JDP2: variants seen among roughly 807,000 people sequenced by gnomAD.
The protein encoded by JDP2 is Jun dimerization protein 2.
JDP2 carries 9 observed loss-of-function variants against 17.1 expected under a neutral mutation model. That is an observed-to-expected ratio of 0.53 (90% CI 0.32 to 0.92). JDP2 has a LOEUF of 0.92. Ranked by LOEUF, JDP2 falls within the 40% of genes least tolerant of loss-of-function variation. The pLI, the probability that JDP2 is intolerant of heterozygous loss-of-function variation, is 0.04. For missense variants in JDP2, 179 were observed against 220.0 expected (o/e 0.81, Z 1.18); for synonymous variants, 107 against 95.6 (o/e 1.12, Z -0.69).
chr14:75,444,183 C>T (rs947219133), intron 2 of JDP2, among the ~76,000 whole-genome samples: 1 of 152,164 alleles, frequency 6.6e-6, no homozygotes, highest in African/African-American at 2.4e-5. Context: ...GGATTACAGG[C>T]GTGAGCCACC....
At chr14:75,460,287 G>C (rs1210016306) in intron 2 of JDP2, among the ~76,000 whole-genome samples, 1 of 134,992 alleles carries the variant, frequency 7.4e-6, no homozygotes, top group African/African-American at 3.4e-5. Context: ...TTGTTCCCCA[G>C]GGTCCTTCAG....
intron 2 of JDP2, among the ~76,000 whole-genome samples, chr14:75,440,769 G>T (rs528101753): frequency 1.3e-5 from 2 of 152,252 alleles, no homozygotes; most frequent in African/African-American, 4.8e-5. Context: ...CCCTAGGCAC[G>T]GTACTAGGTC....
At chr14:75,458,890 G>C (rs1411892503) in intron 2 of JDP2, among the ~76,000 whole-genome samples, 1 of 152,222 alleles carries the variant, frequency 6.6e-6, no homozygotes, top group Non-Finnish European at 1.5e-5. Context: ...ATTTGGACTA[G>C]AGGGTGATGC....
intron 2 of JDP2, among the ~76,000 whole-genome samples, chr14:75,456,096 T>A (rs995539266): frequency 1.3e-5 from 2 of 152,196 alleles, no homozygotes; most frequent in African/African-American, 4.8e-5. Context: ...TTCAGTGGCA[T>A]GTGGCAGAAA....
rs572758339 is a variant in JDP2, at chr14:75,444,502, C to T, written c.201+6381C>T. Among the ~76,000 whole-genome samples, 3 of 152,286 alleles carry T rather than the reference C, an allele frequency of 2.0e-5. No individual in the cohort carries two copies. In the South Asian group the frequency reaches 6.2e-4, roughly 32 times the overall value. The stretch of plus-strand genomic sequence containing the variant: ...AGAGTTCTGGGCTTGGGTGCAAGTT[C>T]TGGGTTCAAAGTCTGGCTCTCTCGC... On this transcript the variant is annotated intron_variant, in intron 2 of 3. Coordinates refer to ENST00000651602, the MANE Select transcript of JDP2 (RefSeq NM_001135048.2).
intron 2 of JDP2, among the ~76,000 whole-genome samples, chr14:75,459,208 G>A (rs1032224093): frequency 1.3e-4 from 20 of 152,308 alleles, no homozygotes; most frequent in African/African-American, 4.3e-4. Flanking sequence ...AGATTGCACC[G>A]CCAGCCACTT....
At position 75,437,996 on chromosome 14, in the gene JDP2, C is replaced by A; in HGVS notation, c.76C>A (p.Pro26Thr). 2 of 1,613,780 alleles carry A rather than the reference C, an allele frequency of 1.2e-6. No homozygotes were observed. The highest frequency in any genetic ancestry group is 2.2e-5 in the South Asian group (2 of 90,954). ...AGGGCTTGGCCCCCTGACCGGGCTCCCCAGCTCGGCCCTGACTGTGGAGGA... is the reference window on the plus strand; with the variant it reads ...AGGGCTTGGCCCCCTGACCGGGCTCACCAGCTCGGCCCTGACTGTGGAGGA... Reference protein sequence around the residue: ...LPGLGPLTGLPSSALTVEELK... With the variant: ...LPGLGPLTGLTSSALTVEELK... Residue 26 changes from proline to threonine, a missense_variant, in exon 2 of 4, where the codon CCC becomes ACC. By Grantham distance (38) the Pro-to-Thr change is conservative. Transcript: ENST00000651602.
At chr14:75,459,436 C>T (rs917235523) in intron 2 of JDP2, among the ~76,000 whole-genome samples, 1 of 152,174 alleles carries the variant, frequency 6.6e-6, no homozygotes, top group Non-Finnish European at 1.5e-5. Context: ...AGCTGACTCC[C>T]AGGTGGGGTG....
rs149846072 is a variant in JDP2, at chr14:75,438,115, A to G, written c.195A>G (p.Lys65=). The G allele has an allele frequency of 2.5e-6, 4 of 1,605,978 alleles. No homozygotes were observed. Among genetic ancestry groups the G allele is most frequent in the Non-Finnish European group, 3.4e-6 (4 of 1,174,516 alleles). The stretch of plus-strand genomic sequence containing the variant: ...TGGGCAAGAGGCCCCAGCCCGTGAA[A>G]AGTGAGGTGAGCGAGCCTTTTACCC... ...VKLGKRPQPV[K]SELDEEEERR... Residue 65 remains lysine, a synonymous_variant, in exon 2 of 4, where the codon AAA becomes AAG. Coordinates refer to ENST00000651602, the MANE Select transcript of JDP2 (RefSeq NM_001135048.2).
In JDP2 at chr14:75,443,529, G is replaced by A. The variant is rs1011940869; in HGVS notation, c.201+5408G>A. On this transcript the variant is annotated intron_variant, in intron 2 of 3. Transcript: ENST00000651602. ...AATCCGTAATTTCCACTTTAGTTCC[G>A]TTACTTTGTTAGCACATTTTCGAAA... Among the ~76,000 whole-genome samples the A allele has an allele frequency of 1.9e-4, 29 of 151,902 alleles. No individual in the cohort carries two copies. The South Asian group carries it at 3.5e-3, about 19-fold the overall frequency.
chr14:75,448,646 T>C (rs10135181), intron 2 of JDP2, among the ~76,000 whole-genome samples: 5,718 of 152,336 alleles, frequency 0.038, 365 homozygotes, highest in African/African-American at 0.13. Flanking sequence ...GTTATTTCCA[T>C]GTCTTGAGAT....
upstream of JDP2, chr14:75,427,395 G>C (rs1003010830): frequency 6.5e-6 from 1 of 152,672 alleles, no homozygotes; most frequent in Non-Finnish European, 1.5e-5. This position sits in a 1 kb window ranked among gnomAD's most constrained non-coding sequence, Gnocchi z 4.4. Flanking sequence ...AGGGGTAGGA[G>C]TCCCCAAATG....
chr14:75,471,809 A>G lies in JDP2; in HGVS notation c.*2334A>G. 5 of 156,328 alleles carry G rather than the reference A, an allele frequency of 3.2e-5. No individual in the cohort carries two copies. Among genetic ancestry groups the G allele is most frequent in the Non-Finnish European group, 7.2e-5 (5 of 69,798 alleles). The allele number at this position is 156,328 out of a possible 1,614,324, so 9.7% of individuals were successfully genotyped here. On this transcript the variant is annotated 3_prime_UTR_variant, in exon 4 of 4. Transcript: ENST00000651602. The stretch of plus-strand genomic sequence containing the variant: ...GCTGTCGGTCCGGACGATGCAGGTG[A>G]GGCAGTGTCAGTTCTGCATCAGGAA...
chr14:75,441,664 T>A (rs1566738304), intron 2 of JDP2, among the ~76,000 whole-genome samples: 1 of 152,262 alleles, frequency 6.6e-6, no homozygotes, highest in Non-Finnish European at 1.5e-5. Context: ...CCAGGGACCC[T>A]GGGAACGTCA....
At chr14:75,443,886 C>T (rs1420452598) in intron 2 of JDP2, among the ~76,000 whole-genome samples, 2 of 148,018 alleles carry the variant, frequency 1.4e-5, no homozygotes, top group South Asian at 4.3e-4. Flanking sequence ...AATAATAATA[C>T]CTACCTCTTA....
intron 2 of JDP2, among the ~76,000 whole-genome samples, chr14:75,441,670 C>T (rs1396878310): frequency 2.0e-5 from 3 of 152,242 alleles, no homozygotes; most frequent in Non-Finnish European, 2.9e-5. Flanking sequence ...ACCCTGGGAA[C>T]GTCATTTCCT....
At chr14:75,467,814 C>G (rs1384983298) in intron 3 of JDP2, among the ~76,000 whole-genome samples, 1 of 152,152 alleles carries the variant, frequency 6.6e-6, no homozygotes, top group African/African-American at 2.4e-5. Context: ...ACGTCCCAGC[C>G]TGTGGAACCA....
chr14:75,446,991 TTTTC>T (rs1285235136), intron 2 of JDP2, among the ~76,000 whole-genome samples: 2 of 152,220 alleles, frequency 1.3e-5, no homozygotes, highest in Non-Finnish European at 2.9e-5. Context: ...AAGAAGCCTT[TTTTC>T]CTTTTTATTG....
chr14:75,461,495 A>G lies in JDP2; in HGVS notation c.271A>G (p.Asn91Asp). The change falls in exon 3 of 4, where the codon AAC becomes GAC. Residue 91 changes from asparagine (N) to aspartate (D), a missense_variant. Physicochemically the swap from Asn to Asp is conservative, Grantham distance 23. Transcript: ENST00000651602. ...CAAAGTCGCAGCAGCCCGATGCCGG[A>G]ACAAGAAGAAGGAGCGCACGGAGTT... The part of the protein sequence containing the change: ...KNKVAAARCR[N>D]KKKERTEFLQ... 1 of 1,609,712 alleles carries G rather than the reference A, an allele frequency of 6.2e-7. No individual in the cohort carries two copies. Among genetic ancestry groups the G allele is most frequent in the Non-Finnish European group, 8.5e-7 (1 of 1,178,898 alleles).
Sources: allele counts gnomAD v4.1 joint callset (sites outside exome capture counted in the v4.1 genomes callset), GRCh38; gene constraint gnomAD v4.1.1; non-coding constraint Gnocchi (gnomAD v3.1); transcripts MANE v1.5; gene names NCBI Gene and HGNC (gene_info 2026-07-23, HGNC 2026-07-21).